FER: variants seen among roughly 807,000 people sequenced by gnomAD.
FER encodes the protein tyrosine-protein kinase Fer.
In FER, 63 loss-of-function variants were observed where a neutral mutation model predicts 111.0. That is an observed-to-expected ratio of 0.57 (90% confidence interval 0.46 to 0.70). The LOEUF (loss-of-function observed/expected upper bound fraction) is 0.70. Among genes scored for constraint, FER ranks in the 30% least tolerant of loss-of-function variants. The probability of loss-of-function intolerance (pLI) is 0.00; values close to 1 mark genes in which losing one functional copy is unlikely to be tolerated. For missense variants in FER, 914 were observed against 954.0 expected (o/e 0.96, Z 0.55); for synonymous variants, 327 against 313.9 (o/e 1.04, Z -0.44).
chr5:109,179,068 CT>C (rs754006102), intron 17 of FER, among the ~76,000 whole-genome samples: 2 of 152,132 alleles, frequency 1.3e-5, no homozygotes, highest in Non-Finnish European at 2.9e-5. Flanking sequence ...TACAAGAATA[CT>C]TTGTGTATTT....
intron 17 of FER, among the ~76,000 whole-genome samples, chr5:109,132,594 A>G (rs1301927792): frequency 2.0e-5 from 3 of 152,178 alleles, no homozygotes; most frequent in Non-Finnish European, 4.4e-5. Context: ...GGAGACCATC[A>G]GGCCAAAATC....
chr5:109,008,776 G>A (rs1262982863), intron 13 of FER, among the ~76,000 whole-genome samples: 1 of 152,032 alleles, frequency 6.6e-6, no homozygotes, highest in Non-Finnish European at 1.5e-5. Flanking sequence ...TTTGAGACCA[G>A]CCTGACCAAC....
At chr5:108,874,043 A>T (rs1189347134) in intron 8 of FER, among the ~76,000 whole-genome samples, 1 of 152,204 alleles carries the variant, frequency 6.6e-6, no homozygotes, top group East Asian at 1.9e-4. Flanking sequence ...GCTCCCAAAT[A>T]ACTTACTAAT....
At chr5:108,759,594 C>T (rs375318009) in intron 1 of FER, among the ~76,000 whole-genome samples, 3 of 152,212 alleles carry the variant, frequency 2.0e-5, no homozygotes, top group African/African-American at 7.2e-5. Flanking sequence ...TCTCACAGTT[C>T]TAGAGGCTGG....
chr5:108,899,255 T>C (rs73209322), intron 10 of FER, among the ~76,000 whole-genome samples: 3,799 of 152,296 alleles, frequency 0.025, 164 homozygotes, highest in African/African-American at 0.087. Flanking sequence ...TTGTGAATTG[T>C]GAATTATGAA....
chr5:109,177,939 C>T (rs551867703), intron 17 of FER, among the ~76,000 whole-genome samples: 1 of 152,154 alleles, frequency 6.6e-6, no homozygotes, highest in African/African-American at 2.4e-5. Context: ...ACTGATTGTT[C>T]TCTAGCACTT....
chr5:109,096,355 T>C lies in FER; in HGVS notation c.1925-4041T>C, dbSNP rs564618955. Among the ~76,000 whole-genome samples, 4 of 152,134 alleles carry C rather than the reference T, an allele frequency of 2.6e-5. No individual in the cohort carries two copies. In the East Asian group the frequency reaches 7.7e-4, roughly 29 times the overall value. ...ATCTTATCCGTTAGATATCTTCAAA[T>C]TGCTAATACAGAAGATGTATAAAAA... On this transcript the variant is annotated intron_variant, in intron 16 of 19. Coordinates refer to ENST00000281092, the MANE Select transcript of FER (RefSeq NM_005246.4).
intron 17 of FER, among the ~76,000 whole-genome samples, chr5:109,176,553 C>T (rs1001954040): frequency 2.6e-5 from 4 of 152,010 alleles, no homozygotes; most frequent in Admixed American, 2.0e-4. Flanking sequence ...AGAAAGAGTT[C>T]TGGTGTTCTG....
chr5:109,152,430 T>G (rs978365514), intron 17 of FER, among the ~76,000 whole-genome samples: 1 of 151,950 alleles, frequency 6.6e-6, no homozygotes, highest in African/African-American at 2.4e-5. Flanking sequence ...AAAGACAACA[T>G]AAGGCTAGAA....
At chr5:108,941,255 T>G (rs1267911815) in intron 10 of FER, among the ~76,000 whole-genome samples, 2 of 152,182 alleles carry the variant, frequency 1.3e-5, no homozygotes, top group Non-Finnish European at 2.9e-5. Context: ...ACCAACTTAT[T>G]AACTACAGCT....
chr5:109,007,933 AAAAT>A (rs1321584830), intron 13 of FER, among the ~76,000 whole-genome samples: 3 of 152,208 alleles, frequency 2.0e-5, no homozygotes, highest in South Asian at 2.1e-4. Context: ...TTTTCAGTTT[AAAAT>A]AAATAAATTA....
rs759035081 is a variant in FER at position 108,954,949 on chromosome 5, G to C, written c.1533+17G>C. ...TATGTTGATGTACGTTTCCAGTTTA[G>C]TTCATATGTATATTTTGATGTAGTT... On this transcript the variant is annotated intron_variant, in intron 12 of 19. Coordinates refer to ENST00000281092, the MANE Select transcript of FER (RefSeq NM_005246.4). The C allele has an allele frequency of 2.2e-5, 35 of 1,586,694 alleles. No individual in the cohort carries two copies. The highest frequency in any genetic ancestry group is 1.0e-4 in the Admixed American group (6 of 58,472).
Position 109,096,025 on chromosome 5 carries a change from A to G in FER, c.1925-4371A>G, listed in dbSNP as rs535873349. On this transcript the variant is annotated intron_variant, in intron 16 of 19. Transcript: ENST00000281092. ...TCAATGACAAGAAGTCATTAGTGGCATTGCCCTGATGATCTCTTCTCTCCA... is the reference window on the plus strand; with the variant it reads ...TCAATGACAAGAAGTCATTAGTGGCGTTGCCCTGATGATCTCTTCTCTCCA... 7.2e-5 allele frequency among the ~76,000 whole-genome samples: 11 copies of G among 152,198 alleles called. No homozygotes were observed. The East Asian group carries it at 2.1e-3, about 29-fold the overall frequency.
At chr5:108,861,501 G>A (rs762939404) in intron 5 of FER, among the ~76,000 whole-genome samples, 21 of 152,162 alleles carry the variant, frequency 1.4e-4, no homozygotes, top group Middle Eastern at 3.4e-3. Context: ...AGGAAAAATT[G>A]GATGTTTTCC....
intron 5 of FER, among the ~76,000 whole-genome samples, chr5:108,847,650 T>C (rs1366991961): frequency 6.6e-6 from 1 of 152,182 alleles, no homozygotes; most frequent in Non-Finnish European, 1.5e-5. Context: ...TTTCTTCTTG[T>C]AGTTCTATCA....
At chr5:109,012,773 T>C (rs1766461105) in intron 13 of FER, among the ~76,000 whole-genome samples, 1 of 152,168 alleles carries the variant, frequency 6.6e-6, no homozygotes. Context: ...TTTTTCCTTT[T>C]GGCTTTTGCC....
chr5:109,100,198 G>C (rs72796567), intron 16 of FER, among the ~76,000 whole-genome samples, 198 bp from the exon 17 acceptor site: 4,226 of 151,830 alleles, frequency 0.028, 73 homozygotes, highest in Middle Eastern at 0.092. Flanking sequence ...ATCTAGAAGA[G>C]ATTATGGTGT....
intron 1 of FER, among the ~76,000 whole-genome samples, chr5:108,759,572 A>G (rs1282457821): frequency 6.6e-6 from 1 of 152,242 alleles, no homozygotes; most frequent in Admixed American, 6.5e-5. Flanking sequence ...TAAAAATAAT[A>G]GAAATTTATT....
chr5:109,053,117 T>G (rs994133627), intron 16 of FER, among the ~76,000 whole-genome samples: 2 of 152,290 alleles, frequency 1.3e-5, no homozygotes, highest in African/African-American at 4.8e-5. Flanking sequence ...CCGGGAACAG[T>G]GGCTCACGCC....
Sources: gnomAD v4.1 joint callset for allele counts (sites outside exome capture counted in the v4.1 genomes callset) on GRCh38, gnomAD v4.1.1 for gene constraint, MANE v1.5 for transcripts, NCBI Gene and HGNC (gene_info 2026-07-23, HGNC 2026-07-21) for gene names.